The following PDE10A variants were observed in gnomAD, a reference collection of about 807,000 sequenced individuals.
The protein encoded by PDE10A is phosphodiesterase 10A, also known as cAMP and cAMP-inhibited cGMP 3',5'-cyclic phosphodiesterase 10A.
Under a neutral mutation model 97.7 loss-of-function variants are expected in PDE10A, and 39 were observed. The observed-to-expected ratio is 0.40, with a 90% confidence interval of 0.31 to 0.52. PDE10A has a LOEUF of 0.52. Among genes scored for constraint, PDE10A ranks in the 20% least tolerant of loss-of-function variants. The pLI is 0.56. For missense variants in PDE10A, 731 were observed against 1,047.8 expected (o/e 0.70, Z 4.17); for synonymous variants, 371 against 376.8 (o/e 0.98, Z 0.18).
chr6:165,839,971 T>TCCCCATCCCCATCTCCAACTC (rs1780198714), intron 1 of PDE10A, among the ~76,000 whole-genome samples: 1,844 of 48,768 alleles, frequency 0.038, no homozygotes, highest in East Asian at 0.059. Flanking sequence ...ATCTCTGTCT[T>TCCCCATCCCCATCTCCAACTC]CATCCCCATC....
intron 2 of PDE10A, among the ~76,000 whole-genome samples, chr6:165,539,539 C>G (rs1226563221): frequency 6.6e-6 from 1 of 152,144 alleles, no homozygotes; most frequent in Non-Finnish European, 1.5e-5. Context: ...GACTGAGAAC[C>G]CTTTAACAAT....
At position 165,388,267 on chromosome 6, in the gene PDE10A, A is replaced by T; in HGVS notation, c.2610+31T>A. The T allele has an allele frequency of 6.2e-7, 1 of 1,610,164 alleles. No individual in the cohort carries two copies. The highest frequency in any genetic ancestry group is 8.5e-7 in the Non-Finnish European group (1 of 1,176,788). On this transcript the variant is annotated intron_variant, in intron 17 of 21. Transcript: ENST00000539869. This position sits in a 1 kb window ranked among gnomAD's most constrained non-coding sequence, Gnocchi z 4.0. ...CCCTATCTCCCAGACAGCCCTTCAGACTAAGCGAGAGACGGCGTGCAGTGA... is the reference window on the plus strand; with the variant it reads ...CCCTATCTCCCAGACAGCCCTTCAGTCTAAGCGAGAGACGGCGTGCAGTGA...
intron 1 of PDE10A, among the ~76,000 whole-genome samples, chr6:165,555,211 G>C (rs960510836): frequency 6.6e-6 from 1 of 152,086 alleles, no homozygotes; most frequent in Non-Finnish European, 1.5e-5. Flanking sequence ...TTGTGGGGAT[G>C]GATACCCCAT....
At chr6:165,750,867 G>GC (rs60530895) in intron 1 of PDE10A, among the ~76,000 whole-genome samples, 11,751 of 152,268 alleles carry the variant, frequency 0.077, 518 homozygotes, top group African/African-American at 0.12. Flanking sequence ...AGGTCCTCCT[G>GC]CAGTGCCTGT....
rs376260077 is a variant in PDE10A, at chr6:165,469,561, TGTGTAATAA to T, written c.1023+12745_1023+12753del. On this transcript the variant is annotated intron_variant, in intron 3 of 21. Coordinates refer to ENST00000539869, the MANE Select transcript of PDE10A (RefSeq NM_001385079.1). ...AATGCCTGAAGAAGATATTTCAACT[TGTGTAATAA>T]GATGAATACGGACTTTTCTTGCAGT... 1.2e-3 allele frequency among the ~76,000 whole-genome samples: 178 copies of T among 152,306 alleles called. 1 individual carries two copies. Among genetic ancestry groups the T allele is most frequent in the African/African-American group, 4.1e-3 (172 of 41,560 alleles).
intron 2 of PDE10A, among the ~76,000 whole-genome samples, chr6:165,524,814 G>C (rs1011534630): frequency 1.3e-5 from 2 of 152,168 alleles, no homozygotes; most frequent in East Asian, 1.9e-4. Context: ...GATTGGAAAA[G>C]AATGGGACCC....
At chr6:165,555,010 C>T (rs1056772984) in intron 1 of PDE10A, among the ~76,000 whole-genome samples, 2 of 151,922 alleles carry the variant, frequency 1.3e-5, no homozygotes, top group East Asian at 3.9e-4. Context: ...GGATGATTAC[C>T]AGAGAGGCTA....
chr6:165,788,565 AAG>A (rs1778562333), intron 1 of PDE10A, among the ~76,000 whole-genome samples: 1 of 151,590 alleles, frequency 6.6e-6, no homozygotes, highest in African/African-American at 2.4e-5. Flanking sequence ...AGAAAAAAAA[AAG>A]AGTATACTTC....
chr6:165,881,740 G>C (rs1781485266), intron 1 of PDE10A, among the ~76,000 whole-genome samples: 1 of 151,924 alleles, frequency 6.6e-6, no homozygotes, highest in Non-Finnish European at 1.5e-5. Flanking sequence ...GGTTGCATTT[G>C]ACTAAATACA....
intron 18 of PDE10A, among the ~76,000 whole-genome samples, chr6:165,362,068 A>C (rs545297232): frequency 6.6e-6 from 1 of 152,212 alleles, no homozygotes; most frequent in Non-Finnish European, 1.5e-5. Context: ...ATTTAGAGCT[A>C]TGAATGTCTA....
chr6:165,755,252 T>C (rs1793091209), intron 1 of PDE10A, among the ~76,000 whole-genome samples: 1 of 152,202 alleles, frequency 6.6e-6, no homozygotes, highest in African/African-American at 2.4e-5. Context: ...AACAGAACTT[T>C]TAATGAAATC....
intron 1 of PDE10A, among the ~76,000 whole-genome samples, chr6:165,874,404 G>A (rs1313630799): frequency 6.6e-6 from 1 of 152,182 alleles, no homozygotes; most frequent in Admixed American, 6.5e-5. Flanking sequence ...AGTAAGCAGG[G>A]TACCTTGATT....
intron 1 of PDE10A, among the ~76,000 whole-genome samples, chr6:165,898,607 C>T (rs534138871): frequency 2.0e-5 from 3 of 151,960 alleles, no homozygotes; most frequent in Admixed American, 6.5e-5. Flanking sequence ...TCCCTTACAT[C>T]CTGGGAATCC....
intron 1 of PDE10A, among the ~76,000 whole-genome samples, chr6:165,584,990 TTGAG>T (rs1785824618): frequency 6.6e-6 from 1 of 152,246 alleles, no homozygotes; most frequent in African/African-American, 2.4e-5. Context: ...TATTTTGTTA[TTGAG>T]TATGTGGGTA....
intron 1 of PDE10A, among the ~76,000 whole-genome samples, chr6:165,557,647 C>T (rs893293627): frequency 6.6e-6 from 1 of 152,048 alleles, no homozygotes; most frequent in Non-Finnish European, 1.5e-5. Flanking sequence ...TCTTTGCTAG[C>T]AAATATACCT....
chr6:165,915,391 G>A (rs1443801743), intron 1 of PDE10A, among the ~76,000 whole-genome samples: 2 of 152,222 alleles, frequency 1.3e-5, no homozygotes, highest in Non-Finnish European at 2.9e-5. Context: ...ACCACGTACT[G>A]CACACGAATG....
chr6:165,462,760 G>A (rs1410390662), intron 3 of PDE10A, among the ~76,000 whole-genome samples: 1 of 152,194 alleles, frequency 6.6e-6, no homozygotes, highest in African/African-American at 2.4e-5. Flanking sequence ...AGCTATGATA[G>A]CAGTGATCAC....
At chr6:165,834,678 G>C (rs939549886) in intron 1 of PDE10A, among the ~76,000 whole-genome samples, 67 of 152,294 alleles carry the variant, frequency 4.4e-4, no homozygotes, top group African/African-American at 1.5e-3. Context: ...TCAGCACCAC[G>C]TGGCTGGTCT....
intron 1 of PDE10A, among the ~76,000 whole-genome samples, chr6:165,731,909 C>T (rs544425423): frequency 6.6e-6 from 1 of 152,294 alleles, no homozygotes; most frequent in Non-Finnish European, 1.5e-5. Context: ...AGGATATGCC[C>T]ATGTTGTTCA....
Sources: gnomAD v4.1 joint callset for allele counts (sites outside exome capture counted in the v4.1 genomes callset) on GRCh38, gnomAD v4.1.1 for gene constraint, Gnocchi (gnomAD v3.1) non-coding constraint, MANE v1.5 for transcripts, NCBI Gene and HGNC (gene_info 2026-07-23, HGNC 2026-07-21) for gene names.